MDN1: variants seen among roughly 807,000 people sequenced by gnomAD.
MDN1 encodes the protein midasin.
A neutral mutation model predicts 669.2 loss-of-function variants in MDN1; 266 were observed. The ratio of observed to expected loss-of-function variants is 0.40; its 90% CI spans 0.36 to 0.44. The LOEUF (loss-of-function observed/expected upper bound fraction) is 0.44. MDN1 is among the 20% of genes least tolerant of loss of function. The pLI is 1.00. For synonymous variants in MDN1, 2,385 were observed against 2,457.1 expected (o/e 0.97, Z 0.87); for missense variants, 5,940 against 6,754.0 (o/e 0.88, Z 4.22).
rs1160705221 is a variant in MDN1 at position 89,687,447 on chromosome 6, A to G, written c.11356-9T>C. 2 of 1,611,212 alleles carry G rather than the reference A, an allele frequency of 1.2e-6. No homozygotes were observed. Among genetic ancestry groups the G allele is most frequent in the Non-Finnish European group, 1.7e-6 (2 of 1,177,692 alleles). On this transcript the variant is annotated splice_polypyrimidine_tract_variant and intron_variant, in intron 67 of 101. Transcript: ENST00000369393. The stretch of plus-strand genomic sequence containing the variant: ...GCATTTTCCTCCCAATCCTAAAGAA[A>G]CAAAGATAAAATTTACTACAGATAT...
At chr6:89,742,446 A>AG (rs11405771) in intron 31 of MDN1, among the ~76,000 whole-genome samples, 135,136 of 152,164 alleles carry the variant, frequency 0.89, 60,323 homozygotes, top group East Asian at 1. Flanking sequence ...CCAAATTTTT[A>AG]GGAAGCTGAT....
At chr6:89,648,425 T>G (rs979732675) in intron 97 of MDN1, 96 bp from the exon 98 acceptor site, 16 of 1,208,686 alleles carry the variant, frequency 1.3e-5, no homozygotes, top group Admixed American at 5.7e-5. Flanking sequence ...AAAGAAAACA[T>G]TTTTTTGTTT....
Position 89,662,850 on chromosome 6 carries a change from T to TCCTCA in MDN1, c.14349_14353dup (p.Glu4785ValfsTer71), listed in dbSNP as rs1260305893. The TCCTCA allele has an allele frequency of 6.2e-7, 1 of 1,612,960 alleles. No homozygotes were observed. On this transcript the variant is annotated frameshift_variant, in exon 86 of 102. Coordinates refer to ENST00000369393, the MANE Select transcript of MDN1 (RefSeq NM_014611.3). LOFTEE classifies it high-confidence loss of function. ...ATTGTCTTCTTCCTCCTCATCTTCCTCCTCATCATCATCACCCCAAAGCCT... is the reference window on the plus strand; with the variant it reads ...ATTGTCTTCTTCCTCCTCATCTTCCTCCTCACCTCATCATCATCACCCCAAAGCCT...
rs779317425 is a variant in MDN1 at position 89,819,599 on chromosome 6, G to C, written c.9C>G (p.His3Gln). The change falls in exon 1 of 102, where the codon CAC (histidine) becomes CAG (glutamine). Residue 3 changes from histidine (H) to glutamine (Q), a missense_variant. His to Gln is a conservative substitution (Grantham distance 24). Coordinates refer to ENST00000369393, the MANE Select transcript of MDN1 (RefSeq NM_014611.3). ...GCGCGGCTGCCACCTCCAGCAAGAA[G>C]TGCTCCATGACCCAGGGCCCTCACC... ME[H>Q]FLLEVAAAPL... is the part of the protein sequence containing the mutation. The C allele has an allele frequency of 2.5e-6, 4 of 1,601,408 alleles. No individual in the cohort carries two copies. The South Asian group carries it at 3.3e-5, about 13-fold the overall frequency.
chr6:89,794,113 G>A lies in MDN1; in HGVS notation c.649C>T (p.His217Tyr). The change falls in exon 4 of 102, where the codon CAT becomes TAT. Residue 217 changes from histidine to tyrosine, a missense_variant. This residue lies in a region of MDN1 where 1,203 missense variants were observed against 1,268.9 expected (regional missense o/e 0.95). Transcript: ENST00000369393. ...KKIFNSDELI[H>Y]FRLRLLEEAQ... ...GTTCCTGCTTACCTCAACCTGAAATGGATCAATTCATCACTATTAAATATC... is the reference window on the plus strand; with the variant it reads ...GTTCCTGCTTACCTCAACCTGAAATAGATCAATTCATCACTATTAAATATC... 2 of 1,580,572 alleles carry A rather than the reference G, an allele frequency of 1.3e-6. No homozygotes were observed. Among genetic ancestry groups the A allele is most frequent in the Non-Finnish European group, 1.7e-6 (2 of 1,164,576 alleles).
At chr6:89,799,140 G>A (rs745608014) in intron 2 of MDN1, among the ~76,000 whole-genome samples, 30 of 152,238 alleles carry the variant, frequency 2.0e-4, no homozygotes, top group Admixed American at 4.6e-4. Context: ...CTGTATGGCC[G>A]CATGACTGGC....
At chr6:89,774,298 C>G (rs912661600) in intron 13 of MDN1, among the ~76,000 whole-genome samples, 1 of 152,174 alleles carries the variant, frequency 6.6e-6, no homozygotes, top group Admixed American at 6.5e-5. Context: ...ATAACCCCAG[C>G]CTTCTAGGAA....
At chr6:89,762,893 A>G (rs1199591781) in intron 15 of MDN1, among the ~76,000 whole-genome samples, 1 of 152,042 alleles carries the variant, frequency 6.6e-6, no homozygotes, top group Admixed American at 6.5e-5. Flanking sequence ...TGTTTCTACA[A>G]AAAAATACAA....
chr6:89,663,516 A>G (rs904066742), intron 85 of MDN1, among the ~76,000 whole-genome samples: 3 of 152,230 alleles, frequency 2.0e-5, no homozygotes, highest in Admixed American at 6.5e-5. Context: ...GTTATCTCCA[A>G]TTGGACAGAA....
Position 89,718,607 on chromosome 6 carries a change from C to A in MDN1, c.6342G>T (p.Trp2114Cys), listed in dbSNP as rs752848963. 1.9e-6 allele frequency: 3 copies of A among 1,613,888 alleles called. No homozygotes were observed. In the African/African-American group the frequency reaches 4.0e-5, roughly 22 times the overall value. The change falls in exon 43 of 102, where the codon TGG becomes TGT. Residue 2114 changes from tryptophan to cysteine, a missense_variant. Physicochemically the swap from Trp to Cys is radical, Grantham distance 215 (BLOSUM62 -2). Transcript: ENST00000369393. ...GFEQVDLIRP[W>C]RRLLEKVEGT... ...CCTCCACCTTCTCTAGCAGCCTCCTCCAAGGTCGTATAAGATCAACCTGTA... is the reference window on the plus strand; with the variant it reads ...CCTCCACCTTCTCTAGCAGCCTCCTACAAGGTCGTATAAGATCAACCTGTA...
chr6:89,770,492 T>C (rs1022205951), intron 15 of MDN1, among the ~76,000 whole-genome samples: 1 of 151,432 alleles, frequency 6.6e-6, no homozygotes, highest in Middle Eastern at 3.5e-3. Flanking sequence ...TAAGAACAGA[T>C]TGCCAAGTTC....
chr6:89,651,364 C>T (rs1285273942), intron 95 of MDN1, among the ~76,000 whole-genome samples: 1 of 148,114 alleles, frequency 6.8e-6, no homozygotes, highest in Non-Finnish European at 1.5e-5. Flanking sequence ...AAAAGTTGGC[C>T]CGTAATCAGC....
rs1305634330 is a variant in MDN1, at chr6:89,746,607, AAAAAAAAGAAAGAAAGAAAG to A, written c.3904+702_3904+721del. On this transcript the variant is annotated intron_variant, in intron 27 of 101. Transcript: ENST00000369393. Reference sequence around the variant, plus strand: ...AGACTCTATCTCAAAAAAAAAAAAAAAAAAAAAGAAAGAAAGAAAGAAAGAAAGAAAGAAAGAAAGAAAAA... The same window carrying A: ...AGACTCTATCTCAAAAAAAAAAAAAAAAAGAAAGAAAGAAAGAAAGAAAAA... 2.5e-4 allele frequency among the ~76,000 whole-genome samples: 18 copies of A among 72,290 alleles called. 1 individual carries two copies. The highest frequency in any genetic ancestry group is 3.6e-4 in the Non-Finnish European group (13 of 35,866). 47.4% of individuals were successfully genotyped at this position (72,290 alleles called of 152,430 possible).
intron 1 of MDN1, among the ~76,000 whole-genome samples, chr6:89,804,567 T>A (rs534990468): frequency 6.6e-6 from 1 of 152,216 alleles, no homozygotes; most frequent in East Asian, 1.9e-4. Context: ...AATTCTGCAG[T>A]TAGTAGACAA....
chr6:89,819,430 G>T, intron 1 of MDN1, 76 bp downstream of exon 1: 1 of 1,338,554 alleles, frequency 7.5e-7, no homozygotes, highest in Admixed American at 1.8e-5. Flanking sequence ...GGCGAGTATC[G>T]GCGGGGGAGC....
At chr6:89,704,593 A>C (rs910447006) in intron 53 of MDN1, among the ~76,000 whole-genome samples, 2 of 151,864 alleles carry the variant, frequency 1.3e-5, no homozygotes, top group African/African-American at 2.4e-5. Context: ...AGGCCAATGA[A>C]TTTTCTTTTT....
intron 93 of MDN1, among the ~76,000 whole-genome samples, chr6:89,653,914 T>G (rs1283064607): frequency 6.6e-6 from 1 of 152,244 alleles, no homozygotes; most frequent in African/African-American, 2.4e-5. Context: ...TTTTAAAAAC[T>G]GATGAGATTT....
intron 79 of MDN1, 163 bp from the exon 80 acceptor site, chr6:89,673,625 CAG>C (rs1196495339): frequency 8.1e-6 from 5 of 614,046 alleles, no homozygotes; most frequent in African/African-American, 1.8e-5. Context: ...CACTGAGTAA[CAG>C]AGGACTGAAG....
At chr6:89,688,446 TGC>T in intron 66 of MDN1, 125 bp downstream of exon 66, 1 of 807,940 alleles carries the variant, frequency 1.2e-6, no homozygotes, top group Non-Finnish European at 2.0e-6. Context: ...CTCATTGAAC[TGC>T]AGTTCTTTAA....
Sources: allele counts gnomAD v4.1 joint callset (sites outside exome capture counted in the v4.1 genomes callset), GRCh38; gene constraint gnomAD v4.1.1; regional missense constraint gnomAD v4.1.1; transcripts MANE v1.5; gene names NCBI Gene and HGNC (gene_info 2026-07-23, HGNC 2026-07-21).